The following NAV2 variants were observed in gnomAD, a reference collection of about 807,000 sequenced individuals.
NAV2 encodes the protein neuron navigator 2.
Under a neutral mutation model 223.2 loss-of-function variants are expected in NAV2, and 54 were observed. The ratio of observed to expected loss-of-function variants is 0.24; its 90% CI spans 0.19 to 0.30. The LOEUF (loss-of-function observed/expected upper bound fraction) is 0.30, where lower values mean the gene tolerates loss of function less well. NAV2 is among the 10% of genes least tolerant of loss of function. The probability of loss-of-function intolerance (pLI) is 1.00; values close to 1 mark genes in which losing one functional copy is unlikely to be tolerated. For synonymous variants in NAV2, 1,279 were observed against 1,239.3 expected, an observed-to-expected ratio of 1.03 and a Z score of -0.67; for missense variants, 2,806 against 3,147.5, an observed-to-expected ratio of 0.89 and a Z score of 2.60.
chr11:19,484,963 G>A (rs2042394526), intron 1 of NAV2, among the ~76,000 whole-genome samples: 2 of 152,162 alleles, frequency 1.3e-5, no homozygotes, highest in Non-Finnish European at 2.9e-5. Flanking sequence ...CTCTATCCAT[G>A]GGACAGCTGT....
At chr11:20,112,966 C>T (rs546167146) in intron 36 of NAV2, among the ~76,000 whole-genome samples, 159 of 152,342 alleles carry the variant, frequency 1.0e-3, no homozygotes, top group Non-Finnish European at 2.0e-3. Context: ...GACAGACAGA[C>T]AGACAGCCGT....
intron 3 of NAV2, among the ~76,000 whole-genome samples, chr11:19,867,605 A>G (rs1322410589): frequency 6.9e-6 from 1 of 144,566 alleles, no homozygotes; most frequent in African/African-American, 2.6e-5. Flanking sequence ...ACCTTTTTCT[A>G]GAGATGAGAA....
At position 19,468,368 on chromosome 11, in the gene NAV2, G is replaced by A. The variant is rs77038485; in HGVS notation, c.75+117341G>A. ...GAAGTCCAAAATCTAGGTGTTGGGA[G>A]GGCTACGCCACCCTGAAGGCTCTAG... On this transcript the variant is annotated intron_variant, in intron 1 of 37. Transcript: ENST00000360655. Among the ~76,000 whole-genome samples the A allele has an allele frequency of 2.0e-3, 303 of 152,288 alleles. 4 individuals carry two copies. In the East Asian group the frequency reaches 0.049, roughly 25 times the overall value.
At chr11:20,114,869 C>G (rs2062928099) in intron 37 of NAV2, 74 bp downstream of exon 37, 3 of 1,406,028 alleles carry the variant, frequency 2.1e-6, no homozygotes, top group African/African-American at 2.8e-5. Context: ...TGCAGAGCCT[C>G]TGGAAATACA....
chr11:19,932,427 T>C (rs889265055), intron 6 of NAV2, among the ~76,000 whole-genome samples: 12 of 152,134 alleles, frequency 7.9e-5, no homozygotes, highest in African/African-American at 2.9e-4. Flanking sequence ...CCTCTACTTC[T>C]CCTGCCTCAG....
chr11:19,686,924 T>C (rs80196820), intron 1 of NAV2, among the ~76,000 whole-genome samples: 1,550 of 152,320 alleles, frequency 0.01, 11 homozygotes, highest in Non-Finnish European at 0.018. Context: ...ACAGTAACCA[T>C]ATGAGGCGGG....
At chr11:19,608,449 T>C (rs984320980) in intron 1 of NAV2, among the ~76,000 whole-genome samples, 6 of 152,276 alleles carry the variant, frequency 3.9e-5, no homozygotes, top group Admixed American at 3.3e-4. Flanking sequence ...GTGATGTTTT[T>C]CAGAGGAAGG....
intron 1 of NAV2, among the ~76,000 whole-genome samples, chr11:19,437,652 C>T (rs1851260230): frequency 6.6e-6 from 1 of 152,094 alleles, no homozygotes; most frequent in Non-Finnish European, 1.5e-5. Flanking sequence ...TGTTGCATTT[C>T]ATCAAATCTC....
chr11:19,348,696 TA>T (rs1237315271), upstream of NAV2, among the ~76,000 whole-genome samples: 2 of 152,362 alleles, frequency 1.3e-5, no homozygotes, highest in African/African-American at 4.8e-5. Flanking sequence ...TGTTAGCAAT[TA>T]TCATTTGATC....
At chr11:19,751,822 A>G (rs1435307613) in intron 1 of NAV2, among the ~76,000 whole-genome samples, 2 of 152,190 alleles carry the variant, frequency 1.3e-5, no homozygotes, top group African/African-American at 4.8e-5. Context: ...TAGAGAGCAG[A>G]GAGGGATTAG....
chr11:19,933,252 C>G lies in NAV2; in HGVS notation c.1008C>G (p.Ser336Arg). ...NAPASLESGS[S>R]STPTNCSTSS... is the part of the protein sequence containing the mutation. Reference sequence around the variant, plus strand: ...CTGCTTCCTTGGAGAGCGGCAGCAGCTCCACCCCTACTAATTGCAGTACCT... The same window carrying G: ...CTGCTTCCTTGGAGAGCGGCAGCAGGTCCACCCCTACTAATTGCAGTACCT... Residue 336 changes from serine to arginine, a missense_variant, in exon 7 of 38, where the codon AGC (serine) becomes AGG (arginine). By Grantham distance (110) the Ser-to-Arg change is moderately radical (BLOSUM62 -1). Around this residue, in one of 4 missense-constraint regions of NAV2, gnomAD observed 1,167 missense variants for 1,180.5 expected, o/e 0.99. Transcript: ENST00000349880. This position sits in a 1 kb window ranked among gnomAD's most constrained non-coding sequence, Gnocchi z 4.3. 1 of 1,609,416 alleles carries G rather than the reference C, an allele frequency of 6.2e-7. No homozygotes were observed. Among genetic ancestry groups the G allele is most frequent in the Admixed American group, 1.7e-5 (1 of 59,232 alleles).
intron 1 of NAV2, among the ~76,000 whole-genome samples, chr11:19,493,121 G>C (rs1273682559): frequency 3.3e-5 from 5 of 152,132 alleles, no homozygotes; most frequent in Non-Finnish European, 5.9e-5. Flanking sequence ...CCCAGCTCAG[G>C]TTAATCACTG....
At chr11:20,074,463 G>A (rs926899923) in intron 22 of NAV2, among the ~76,000 whole-genome samples, 1 of 152,196 alleles carries the variant, frequency 6.6e-6, no homozygotes, top group Non-Finnish European at 1.5e-5. Flanking sequence ...TTGGTCCAGA[G>A]ATGAGCTCAA....
intron 25 of NAV2, among the ~76,000 whole-genome samples, chr11:20,081,360 C>T (rs937816648): frequency 5.3e-5 from 8 of 152,142 alleles, no homozygotes; most frequent in African/African-American, 1.2e-4. Flanking sequence ...TTCAAAGTGA[C>T]GAGAGAGATA....
chr11:19,552,292 A>G (rs971601938), intron 1 of NAV2, among the ~76,000 whole-genome samples: 1 of 152,226 alleles, frequency 6.6e-6, no homozygotes, highest in African/African-American at 2.4e-5. Context: ...TGGAGACACC[A>G]GAGGGGAGGC....
intron 1 of NAV2, among the ~76,000 whole-genome samples, chr11:19,541,659 G>C (rs533131981): frequency 3.3e-5 from 5 of 152,116 alleles, no homozygotes; most frequent in Admixed American, 6.5e-5. Flanking sequence ...ACAGGGCCTC[G>C]GGCATCAGGC....
intron 10 of NAV2, among the ~76,000 whole-genome samples, chr11:19,977,807 T>C (rs892868251): frequency 2.7e-4 from 39 of 144,900 alleles, no homozygotes; most frequent in Non-Finnish European, 3.6e-4. Flanking sequence ...TCTTTTTTTT[T>C]TTTTTTTTTT....
intron 17 of NAV2, among the ~76,000 whole-genome samples, chr11:20,051,866 CA>C (rs1410010100): frequency 6.6e-6 from 1 of 152,168 alleles, no homozygotes; most frequent in East Asian, 1.9e-4. Context: ...CATTGCCCAA[CA>C]AGACATGGGT....
chr11:19,573,889 T>G (rs1261774564), intron 1 of NAV2, among the ~76,000 whole-genome samples: 1 of 152,140 alleles, frequency 6.6e-6, no homozygotes. Flanking sequence ...CCCAAGTGCT[T>G]TCAGCACTTG....
Sources: allele counts gnomAD v4.1 joint callset (sites outside exome capture counted in the v4.1 genomes callset), GRCh38; gene constraint gnomAD v4.1.1; regional missense constraint gnomAD v4.1.1; non-coding constraint Gnocchi (gnomAD v3.1); transcripts MANE v1.5; gene names NCBI Gene and HGNC (gene_info 2026-07-23, HGNC 2026-07-21).